Variants in IGFBP7 observed in about 807,000 individuals in gnomAD.
The protein encoded by IGFBP7 is insulin-like growth factor-binding protein 7.
A neutral mutation model predicts 29.4 loss-of-function variants in IGFBP7; 31 were observed. That is an observed-to-expected ratio of 1.05 (90% CI 0.79 to 1.42). IGFBP7 has a LOEUF of 1.42. Among genes scored for constraint, IGFBP7 ranks in the 40% most tolerant of loss-of-function variants. The pLI is 0.00. For synonymous variants in IGFBP7, 172 were observed against 174.9 expected (o/e 0.98, Z 0.13); for missense variants, 393 against 395.5 (o/e 0.99, Z 0.05).
At chr4:57,052,665 A>G (rs1724533387) in intron 1 of IGFBP7, among the ~76,000 whole-genome samples, 1 of 152,034 alleles carries the variant, frequency 6.6e-6, no homozygotes, top group African/African-American at 2.4e-5. Context: ...ACGTATTTGC[A>G]GGGCCAGTCC....
At chr4:57,079,746 C>A (rs79775244) in intron 1 of IGFBP7, among the ~76,000 whole-genome samples, 1 of 152,192 alleles carries the variant, frequency 6.6e-6, no homozygotes, top group Non-Finnish European at 1.5e-5. Flanking sequence ...CATCTAACAG[C>A]GCTTTTCCTA....
At chr4:57,049,900 A>T (rs934722444) in intron 1 of IGFBP7, among the ~76,000 whole-genome samples, 2 of 152,186 alleles carry the variant, frequency 1.3e-5, no homozygotes, top group Non-Finnish European at 2.9e-5. Context: ...TGTCTTGAAA[A>T]TGCACCAGTG....
chr4:57,061,265 G>A (rs956586893), intron 1 of IGFBP7, among the ~76,000 whole-genome samples: 6 of 151,928 alleles, frequency 3.9e-5, no homozygotes, highest in Non-Finnish European at 5.9e-5. Flanking sequence ...GGATAGTACC[G>A]AACTTTATAC....
chr4:57,079,290 T>A (rs943084603), intron 1 of IGFBP7, among the ~76,000 whole-genome samples: 1 of 152,126 alleles, frequency 6.6e-6, no homozygotes, highest in African/African-American at 2.4e-5. Context: ...TTTGCATTGC[T>A]AAAATTCACA....
Position 57,050,059 on chromosome 4 carries a change from C to T in IGFBP7, c.476-9126G>A, listed in dbSNP as rs547048998. 7.9e-5 allele frequency among the ~76,000 whole-genome samples: 12 copies of T among 151,670 alleles called. No individual in the cohort carries two copies. In the South Asian group the frequency reaches 2.5e-3, roughly 32 times the overall value. Reference sequence around the variant, plus strand: ...TGTTTCTTGGCTACTAACCACTCACCAACCAATTAGTATATGACCAGGAGA... The same window carrying T: ...TGTTTCTTGGCTACTAACCACTCACTAACCAATTAGTATATGACCAGGAGA... On this transcript the variant is annotated intron_variant, in intron 1 of 4. Coordinates refer to ENST00000295666, the MANE Select transcript of IGFBP7 (RefSeq NM_001553.3).
chr4:57,040,646 C>A (rs11573109), intron 2 of IGFBP7, among the ~76,000 whole-genome samples, 178 bp downstream of exon 2: 74 of 152,346 alleles, frequency 4.9e-4, no homozygotes, highest in Middle Eastern at 3.4e-3. Flanking sequence ...AAAAGCATGG[C>A]AGGGACTGGT....
At chr4:57,038,738 A>AT (rs1175332699) in intron 2 of IGFBP7, among the ~76,000 whole-genome samples, 1 of 151,994 alleles carries the variant, frequency 6.6e-6, no homozygotes, top group East Asian at 1.9e-4. Context: ...TTTTCGTAGG[A>AT]TAGTTGTGAG....
At chr4:57,070,195 A>G (rs1725022570) in intron 1 of IGFBP7, among the ~76,000 whole-genome samples, 2 of 152,222 alleles carry the variant, frequency 1.3e-5, no homozygotes, top group Admixed American at 1.3e-4. Flanking sequence ...TTCTTCTAGA[A>G]GTTCTCCCAG....
rs952081672 is a variant in IGFBP7, at chr4:57,110,167, A to C, written c.185T>G (p.Met62Arg). Reference protein sequence around the residue: ...ETRDACGCCPMCARGEGEPCG... With the variant: ...ETRDACGCCPRCARGEGEPCG... ...CGGCTCGCCCTCGCCGCGGGCGCAC[A>C]TAGGGCAGCAGCCGCACGCGTCGCG... Residue 62 changes from methionine (M) to arginine (R), a missense_variant, in exon 1 of 5, where the codon ATG becomes AGG. Met to Arg is a moderately conservative substitution (Grantham distance 91). Coordinates refer to ENST00000295666, the MANE Select transcript of IGFBP7 (RefSeq NM_001553.3). 2 of 1,439,878 alleles carry C rather than the reference A, an allele frequency of 1.4e-6. No individual in the cohort carries two copies. The highest frequency in any genetic ancestry group is 1.8e-6 in the Non-Finnish European group (2 of 1,106,172). The allele number at this position is 1,439,878 out of a possible 1,614,324, so 89.2% of individuals were successfully genotyped here.
At chr4:57,044,134 T>C (rs1170111296) in intron 1 of IGFBP7, among the ~76,000 whole-genome samples, 3 of 152,116 alleles carry the variant, frequency 2.0e-5, no homozygotes, top group Non-Finnish European at 4.4e-5. Context: ...TGCAAGACAA[T>C]TTTATTGTGA....
At position 57,078,535 on chromosome 4, in the gene IGFBP7, C is replaced by T. The variant is rs141447249; in HGVS notation, c.475+31342G>A. Among the ~76,000 whole-genome samples, 325 of 152,174 alleles carry T rather than the reference C, an allele frequency of 2.1e-3. 1 individual carries two copies. Among genetic ancestry groups the T allele is most frequent in the African/African-American group, 7.5e-3 (313 of 41,512 alleles). ...AGATCCACTGTTTGCCTTCAGTCTC[C>T]TCTTAGTCTTCAATGCAGTTCTTCC... On this transcript the variant is annotated intron_variant, in intron 1 of 4. Transcript: ENST00000295666.
intron 1 of IGFBP7, among the ~76,000 whole-genome samples, chr4:57,067,306 C>T (rs779716611): frequency 6.6e-6 from 1 of 152,122 alleles, no homozygotes; most frequent in Non-Finnish European, 1.5e-5. Context: ...TAACCTTAAA[C>T]AGTGCATGGA....
At chr4:57,062,429 A>T (rs905534602) in intron 1 of IGFBP7, among the ~76,000 whole-genome samples, 1 of 152,236 alleles carries the variant, frequency 6.6e-6, no homozygotes, top group African/African-American at 2.4e-5. Context: ...TCATGGCTTT[A>T]CTATTTGCAC....
At position 57,060,814 on chromosome 4, in the gene IGFBP7, G is replaced by C. The variant is rs192993555; in HGVS notation, c.476-19881C>G. ...TGCACCTGTAGTCCCAGCTACTCAA[G>C]AGGCTGAGGCAGGAGGATTGCTTGA... On this transcript the variant is annotated intron_variant, in intron 1 of 4. Coordinates refer to ENST00000295666, the MANE Select transcript of IGFBP7 (RefSeq NM_001553.3). 4.5e-4 allele frequency among the ~76,000 whole-genome samples: 69 copies of C among 152,270 alleles called. No individual in the cohort carries two copies. The South Asian group carries it at 0.012, about 27-fold the overall frequency.
chr4:57,031,378 G>A (rs774863437), intron 4 of IGFBP7, 42 bp from the exon 5 acceptor site: 2 of 1,497,584 alleles, frequency 1.3e-6, no homozygotes, highest in Non-Finnish European at 1.8e-6. Context: ...TTACATATGG[G>A]GATGTGGTTG....
At chr4:57,064,337 C>G (rs529213550) in intron 1 of IGFBP7, among the ~76,000 whole-genome samples, 25 of 152,300 alleles carry the variant, frequency 1.6e-4, no homozygotes, top group African/African-American at 6.0e-4. Flanking sequence ...TGCACTCCAG[C>G]CTGGGTGACT....
intron 2 of IGFBP7, among the ~76,000 whole-genome samples, chr4:57,036,446 G>C (rs556883031): frequency 1.3e-5 from 2 of 152,240 alleles, no homozygotes; most frequent in South Asian, 4.1e-4. Flanking sequence ...AAATATTCAG[G>C]CAAGAAAAGA....
intron 1 of IGFBP7, among the ~76,000 whole-genome samples, chr4:57,103,176 T>C (rs1380633666): frequency 6.6e-6 from 1 of 152,058 alleles, no homozygotes; most frequent in Non-Finnish European, 1.5e-5. Context: ...CATCTGTTGT[T>C]GTGATTACAG....
intron 1 of IGFBP7, among the ~76,000 whole-genome samples, chr4:57,070,862 T>C (rs2109775154): frequency 6.6e-6 from 1 of 152,360 alleles, no homozygotes; most frequent in South Asian, 2.1e-4. Context: ...CACAAATGTG[T>C]TCAAGCTTGT....
Sources: allele counts gnomAD v4.1 joint callset (sites outside exome capture counted in the v4.1 genomes callset), GRCh38; gene constraint gnomAD v4.1.1; transcripts MANE v1.5; gene names NCBI Gene and HGNC (gene_info 2026-07-23, HGNC 2026-07-21).